The following CTBP1 variants were observed in gnomAD, a reference collection of about 807,000 sequenced individuals.
CTBP1 encodes C-terminal binding protein 1, also known as C-terminal-binding protein 1.
A neutral mutation model predicts 42.1 loss-of-function variants in CTBP1; 11 were observed. The observed-to-expected ratio is 0.26, with a 90% CI of 0.16 to 0.43. The LOEUF (loss-of-function observed/expected upper bound fraction) is 0.43, where lower values mean the gene tolerates loss of function less well. Ranked by LOEUF, CTBP1 falls within the 20% of genes least tolerant of loss-of-function variation. The pLI is 1.00. For missense variants in CTBP1, 399 were observed against 624.3 expected, an observed-to-expected ratio of 0.64 and a Z score of 3.85; for synonymous variants, 324 against 277.1, an observed-to-expected ratio of 1.17 and a Z score of -1.68.
At chr4:1,224,094 C>A (rs111513827) in intron 5 of CTBP1, among the ~76,000 whole-genome samples, 91 of 152,358 alleles carry the variant, frequency 6.0e-4, no homozygotes, top group African/African-American at 2.1e-3. Flanking sequence ...ACAGCCAGCT[C>A]CAGGGGACTC....
rs1165370688 is a variant in CTBP1 at position 1,225,511 on chromosome 4, C to T, written c.363G>A (p.Thr121=). ...GGTACAGGTTCAGGATGTGGCACAG[C>T]GTCGAGTCGGCCGTCTCCTCCACAG... ...AASVEETADS[T]LCHILNLYRR... is the part of the protein sequence containing the mutation. The change falls in exon 5 of 10, where the codon ACG becomes ACA. Residue 121 remains threonine (T), a synonymous_variant. Transcript: ENST00000382952. 11 of 1,545,108 alleles carry T rather than the reference C, an allele frequency of 7.1e-6. No individual in the cohort carries two copies. The highest frequency in any genetic ancestry group is 2.4e-5 in the South Asian group (2 of 84,082).
intron 1 of CTBP1, chr4:1,243,574 C>T (rs1732410788): frequency 2.0e-6 from 2 of 985,312 alleles, no homozygotes; most frequent in African/African-American, 1.7e-5. Context: ...CCACTGTGCA[C>T]CCACAAAGCG....
chr4:1,242,631 C>T (rs1266302909), intron 1 of CTBP1: 15 of 985,328 alleles, frequency 1.5e-5, no homozygotes, highest in Non-Finnish European at 1.6e-5. Context: ...TCCAGGGTCC[C>T]CAACACCACT....
Position 1,220,882 on chromosome 4 carries a change from G to C in CTBP1, c.514+4478C>G, listed in dbSNP as rs1255743411. Among the ~76,000 whole-genome samples the C allele has an allele frequency of 2.0e-5, 3 of 152,232 alleles. No individual in the cohort carries two copies. The East Asian group carries it at 5.8e-4, about 29-fold the overall frequency. On this transcript the variant is annotated intron_variant, in intron 5 of 9. Transcript: ENST00000382952. ...GTAGAAGCTTCCAGAAGAAAACACA[G>C]AGAACCTGTTACCCGGATGACCCTG...
chr4:1,221,154 G>A (rs748608074), intron 5 of CTBP1, among the ~76,000 whole-genome samples: 1 of 152,244 alleles, frequency 6.6e-6, no homozygotes, highest in South Asian at 2.1e-4. Flanking sequence ...TAACCAACAC[G>A]AAAAAGACGG....
Position 1,233,510 on chromosome 4 carries a change from G to A in CTBP1, c.162+4673C>T, listed in dbSNP as rs1043812658. 3.3e-5 allele frequency among the ~76,000 whole-genome samples: 5 copies of A among 152,042 alleles called. No homozygotes were observed. The highest frequency in any genetic ancestry group is 4.8e-5 in the African/African-American group (2 of 41,384). On this transcript the variant is annotated intron_variant, in intron 3 of 9. Coordinates refer to ENST00000382952, the MANE Select transcript of CTBP1 (RefSeq NM_001012614.2). This position sits in a 1 kb window ranked among gnomAD's most constrained non-coding sequence, Gnocchi z 4.6. ...CCAGGCCCCGCAGCCCACACCGGACGCAGCCTCCAGGCTCCAGGGCTTCCT... is the reference window on the plus strand; with the variant it reads ...CCAGGCCCCGCAGCCCACACCGGACACAGCCTCCAGGCTCCAGGGCTTCCT...
rs1731223634 is a variant in CTBP1, at chr4:1,233,951, T to C, written c.162+4232A>G. Among the ~76,000 whole-genome samples the C allele has an allele frequency of 6.6e-6, 1 of 152,208 alleles. No homozygotes were observed. The highest frequency in any genetic ancestry group is 2.4e-5 in the African/African-American group (1 of 41,450). On this transcript the variant is annotated intron_variant, in intron 3 of 9. Coordinates refer to ENST00000382952, the MANE Select transcript of CTBP1 (RefSeq NM_001012614.2). The surrounding 1 kb of genome is among the most constrained non-coding windows in gnomAD (Gnocchi z 4.6). ...CCCTCTCCACAGCCACGAGGGTCCC[T>C]GCCTCCTGCCTTGTTGCTCCACGGT...
At chr4:1,232,925 G>A (rs1222456988) in intron 3 of CTBP1, 1 of 152,238 alleles carries the variant, frequency 6.6e-6, no homozygotes, top group Non-Finnish European at 1.5e-5. Context: ...GTCCTGCTGG[G>A]TGGGATTGTC....
chr4:1,211,869 AAAAAAAAAAAC>A lies in CTBP1; in HGVS notation c.*360_*370del, dbSNP rs1426470334. ...TCTGGGGCACGTTCCAACATACAAA[AAAAAAAAAAAC>A]AAAAAAAAAAACCTCAAATTGACTT... On this transcript the variant is annotated 3_prime_UTR_variant, in exon 10 of 10. Transcript: ENST00000382952. The A allele has an allele frequency of 6.0e-6, 1 of 167,918 alleles. No individual in the cohort carries two copies. Among genetic ancestry groups the A allele is most frequent in the Non-Finnish European group, 1.3e-5 (1 of 79,088 alleles). The allele number at this position is 167,918 out of a possible 1,614,324, so 10.4% of individuals were successfully genotyped here. A position where few individuals can be genotyped will look rare whatever the true frequency, so the allele number is the denominator to read the frequency against.
chr4:1,224,402 C>T (rs1012755455), intron 5 of CTBP1, among the ~76,000 whole-genome samples: 1 of 149,030 alleles, frequency 6.7e-6, no homozygotes, highest in African/African-American at 2.5e-5. Flanking sequence ...TGTGTGAGAC[C>T]CATGTGTGCT....
chr4:1,237,993 T>C (rs756831831), intron 3 of CTBP1, 190 bp downstream of exon 3: 8 of 779,760 alleles, frequency 1.0e-5, no homozygotes, highest in Middle Eastern at 2.2e-4. Flanking sequence ...GCAAACCCGA[T>C]GTCCACCTCC....
intron 5 of CTBP1, 113 bp downstream of exon 5, chr4:1,225,247 C>G: frequency 7.7e-7 from 1 of 1,290,690 alleles, no homozygotes; most frequent in Non-Finnish European, 1.1e-6. Flanking sequence ...TGGGTTGGGA[C>G]CGACACCTGC....
At chr4:1,227,242 C>T (rs1730450593) in intron 4 of CTBP1, among the ~76,000 whole-genome samples, 1 of 151,406 alleles carries the variant, frequency 6.6e-6, no homozygotes. Flanking sequence ...TGCATGTGTT[C>T]TGTGTGATGA....
intron 7 of CTBP1, chr4:1,214,093 T>C (rs2306475): frequency 0.4 from 203,098 of 509,182 alleles, 41,758 homozygotes; most frequent in Middle Eastern, 0.49. Flanking sequence ...TCTCTCCTGG[T>C]TGGTCAGGAG....
chr4:1,234,102 C>T lies in CTBP1; in HGVS notation c.162+4081G>A, dbSNP rs111398257. ...TTCTGGAGCTCAATCCTTTGGCCAC[C>T]CCTAGTGGCAAGAAAGCGTGGGCAG... is the stretch of plus-strand genomic sequence containing the variant. On this transcript the variant is annotated intron_variant, in intron 3 of 9. Coordinates refer to ENST00000382952, the MANE Select transcript of CTBP1 (RefSeq NM_001012614.2). Among the ~76,000 whole-genome samples, 532 of 152,270 alleles carry T rather than the reference C, an allele frequency of 3.5e-3. 5 individuals carry two copies. The highest frequency in any genetic ancestry group is 0.012 in the African/African-American group (511 of 41,548).
intron 3 of CTBP1, among the ~76,000 whole-genome samples, chr4:1,230,722 G>A (rs893307855): frequency 2.0e-5 from 3 of 152,248 alleles, no homozygotes; most frequent in African/African-American, 7.2e-5. Context: ...GTCACCTCCC[G>A]CACATTCGGA....
At chr4:1,236,919 G>C (rs1316630389) in intron 3 of CTBP1, 1 of 666,644 alleles carries the variant, frequency 1.5e-6, no homozygotes, top group Non-Finnish European at 2.7e-6. Context: ...GGCAAACCCG[G>C]TGTCCACCTC....
rs902431318 is a variant in CTBP1, at chr4:1,238,831, C to T, written c.8-494G>A. ...CCCCCCGAGACCCTCCCAGACCGTC[C>T]GAGACCCCAGGGCAGCTCCATGAGG... On this transcript the variant is annotated intron_variant, in intron 2 of 9. Transcript: ENST00000382952. The surrounding 1 kb of genome is among the most constrained non-coding windows in gnomAD (Gnocchi z 5.9). Among the ~76,000 whole-genome samples, 3 of 151,768 alleles carry T rather than the reference C, an allele frequency of 2.0e-5. No homozygotes were observed. The highest frequency in any genetic ancestry group is 3.9e-4 in the East Asian group (2 of 5,118).
Position 1,241,497 on chromosome 4 carries a change from C to G in CTBP1, c.-166G>C. On this transcript the variant is annotated 5_prime_UTR_variant, in exon 2 of 10. Coordinates refer to ENST00000382952, the MANE Select transcript of CTBP1 (RefSeq NM_001012614.2). ...TTCTGATCCGCGGCAATCACTGAAG[C>G]CTGCGTCGGGGTCAAAGTCTTACTA... 1 of 1,603,200 alleles carries G rather than the reference C, an allele frequency of 6.2e-7. No individual in the cohort carries two copies. Among genetic ancestry groups the G allele is most frequent in the Non-Finnish European group, 8.5e-7 (1 of 1,178,734 alleles).
Sources: allele counts gnomAD v4.1 joint callset (sites outside exome capture counted in the v4.1 genomes callset), GRCh38; gene constraint gnomAD v4.1.1; non-coding constraint Gnocchi (gnomAD v3.1); transcripts MANE v1.5; gene names NCBI Gene and HGNC (gene_info 2026-07-23, HGNC 2026-07-21).